Variants in TLN2 observed in about 807,000 individuals in gnomAD.
TLN2 encodes the protein talin 2.
TLN2 carries 118 observed loss-of-function variants against 294.7 expected under a neutral mutation model. That is an observed-to-expected ratio of 0.40 (90% CI 0.34 to 0.47). The LOEUF (loss-of-function observed/expected upper bound fraction) is 0.47. Among genes scored for constraint, TLN2 ranks in the 20% least tolerant of loss-of-function variants. The pLI, the probability that TLN2 is intolerant of heterozygous loss-of-function variation, is 0.84. For missense variants in TLN2, 3,083 were observed against 3,282.2 expected, an observed-to-expected ratio of 0.94 and a Z score of 1.48; for synonymous variants, 1,431 against 1,304.5, an observed-to-expected ratio of 1.10 and a Z score of -2.09.
chr15:62,422,219 C>CAAAAA (rs386383227), intron 1 of TLN2, among the ~76,000 whole-genome samples: 27 of 55,300 alleles, frequency 4.9e-4, no homozygotes, highest in Middle Eastern at 0.016. Context: ...AACTCTGTCT[C>CAAAAA]AAAAAAAAAA....
At chr15:62,566,240 G>A (rs762867670) in intron 1 of TLN2, among the ~76,000 whole-genome samples, 5 of 152,040 alleles carry the variant, frequency 3.3e-5, no homozygotes, top group Non-Finnish European at 7.4e-5. Context: ...AAGTTAGAAG[G>A]CTACAGATGA....
At chr15:62,794,033 C>T (rs2065274124) in intron 46 of TLN2, among the ~76,000 whole-genome samples, 1 of 151,994 alleles carries the variant, frequency 6.6e-6, no homozygotes, top group South Asian at 2.1e-4. Flanking sequence ...GCCTTCCTTT[C>T]AAAGCCCTTT....
chr15:62,399,369 G>A (rs1335570581), intron 1 of TLN2, among the ~76,000 whole-genome samples: 2 of 151,254 alleles, frequency 1.3e-5, no homozygotes, highest in East Asian at 3.9e-4. Context: ...CAGTGCAGAA[G>A]GAAAATGTGG....
intron 45 of TLN2, chr15:62,784,136 T>G (rs2064433016): frequency 1.8e-6 from 1 of 567,406 alleles, no homozygotes; most frequent in Admixed American, 3.2e-5. Flanking sequence ...AGAAGGACTT[T>G]GTATACAGTG....
chr15:62,794,593 T>C (rs1267489925), intron 46 of TLN2, among the ~76,000 whole-genome samples: 1 of 152,240 alleles, frequency 6.6e-6, no homozygotes, highest in Non-Finnish European at 1.5e-5. Flanking sequence ...TTCCAGAACC[T>C]GGATACCTCA....
At chr15:62,564,521 C>T (rs1450786285) in intron 1 of TLN2, among the ~76,000 whole-genome samples, 2 of 152,122 alleles carry the variant, frequency 1.3e-5, no homozygotes, top group Admixed American at 6.6e-5. Context: ...GTTAGCTGCA[C>T]CCCTGGATTG....
chr15:62,690,838 C>G (rs1189717868), intron 12 of TLN2, among the ~76,000 whole-genome samples: 2 of 151,662 alleles, frequency 1.3e-5, no homozygotes, highest in Non-Finnish European at 2.9e-5. Context: ...CAGCGAAACC[C>G]CGTCTCCACC....
At chr15:62,403,580 C>T (rs751351689) in intron 1 of TLN2, among the ~76,000 whole-genome samples, 5 of 152,176 alleles carry the variant, frequency 3.3e-5, no homozygotes, top group Admixed American at 6.5e-5. Context: ...TGGTACAATC[C>T]AGTGGCTAAC....
intron 1 of TLN2, among the ~76,000 whole-genome samples, chr15:62,470,224 G>T (rs2037388458): frequency 1.3e-5 from 2 of 152,146 alleles, no homozygotes; most frequent in Non-Finnish European, 2.9e-5. Context: ...CAACCTATGG[G>T]ACCCATTCGG....
chr15:62,795,188 T>C (rs912209330), intron 46 of TLN2, among the ~76,000 whole-genome samples: 3 of 152,060 alleles, frequency 2.0e-5, no homozygotes, highest in Admixed American at 6.5e-5. Context: ...TCCTTCACTT[T>C]GGCATCTGAC....
At chr15:62,431,810 G>A (rs2035025635) in intron 1 of TLN2, among the ~76,000 whole-genome samples, 1 of 152,236 alleles carries the variant, frequency 6.6e-6, no homozygotes, top group Non-Finnish European at 1.5e-5. Flanking sequence ...AGAAACCCAT[G>A]TATATTTAAT....
rs755720293 is a variant in TLN2 at position 62,763,552 on chromosome 15, A to G, written c.4962-11A>G. On this transcript the variant is annotated splice_polypyrimidine_tract_variant and intron_variant, in intron 39 of 58. Coordinates refer to ENST00000636159, the MANE Select transcript of TLN2 (RefSeq NM_015059.3). Reference sequence around the variant, plus strand: ...ATGGAGCCTGTGTCCAACTTGCACTATTCCTTCCAGGGACAAGGCCCCTGG... The same window carrying G: ...ATGGAGCCTGTGTCCAACTTGCACTGTTCCTTCCAGGGACAAGGCCCCTGG... 1.2e-5 allele frequency: 19 copies of G among 1,601,248 alleles called. No homozygotes were observed. The Admixed American group carries it at 2.9e-4, about 24-fold the overall frequency.
At chr15:62,664,299 G>A (rs1276243137) in intron 9 of TLN2, among the ~76,000 whole-genome samples, 1 of 151,874 alleles carries the variant, frequency 6.6e-6, no homozygotes, top group African/African-American at 2.4e-5. Context: ...AAATGTAGTT[G>A]ACTTATAAAG....
intron 1 of TLN2, among the ~76,000 whole-genome samples, chr15:62,402,218 T>C (rs1249589361): frequency 1.3e-5 from 2 of 152,242 alleles, no homozygotes; most frequent in African/African-American, 4.8e-5. Flanking sequence ...ATGCTGTTTC[T>C]GACCCACTAA....
Position 62,509,077 on chromosome 15 carries a change from G to A in TLN2, c.-237-80610G>A, listed in dbSNP as rs148341223. ...AGAAACTAAACTATAGAAAGCTTAA[G>A]TAAGGTGCTTAGGATCCCATAAGCC... On this transcript the variant is annotated intron_variant, in intron 1 of 58. Coordinates refer to ENST00000636159, the MANE Select transcript of TLN2 (RefSeq NM_015059.3). Among the ~76,000 whole-genome samples, 5 of 152,270 alleles carry A rather than the reference G, an allele frequency of 3.3e-5. No individual in the cohort carries two copies. The East Asian group carries it at 9.7e-4, about 29-fold the overall frequency.
At chr15:62,838,755 C>A in intron 57 of TLN2, 101 bp from the exon 58 acceptor site, 1 of 1,451,100 alleles carries the variant, frequency 6.9e-7, no homozygotes, top group Non-Finnish European at 9.3e-7. Context: ...ATTGGATAAT[C>A]AATTGACTCA....
intron 1 of TLN2, among the ~76,000 whole-genome samples, chr15:62,521,038 T>C (rs1442048403): frequency 6.6e-6 from 1 of 152,176 alleles, no homozygotes; most frequent in Non-Finnish European, 1.5e-5. Flanking sequence ...TTCACTTTCT[T>C]TTTGTCTTCT....
chr15:62,766,233 CTG>C, intron 40 of TLN2, 86 bp from the exon 41 acceptor site: 2 of 1,150,794 alleles, frequency 1.7e-6, no homozygotes, highest in South Asian at 3.0e-5. Flanking sequence ...TGTGTGGCCT[CTG>C]TCATTTTTCA....
intron 1 of TLN2, among the ~76,000 whole-genome samples, chr15:62,443,368 A>G (rs1231419209): frequency 2.6e-5 from 4 of 152,202 alleles, no homozygotes; most frequent in African/African-American, 4.8e-5. Context: ...TTTTATCACC[A>G]TTAACAATTT....
Sources: gnomAD v4.1 joint callset for allele counts (sites outside exome capture counted in the v4.1 genomes callset) on GRCh38, gnomAD v4.1.1 for gene constraint, MANE v1.5 for transcripts, NCBI Gene and HGNC (gene_info 2026-07-23, HGNC 2026-07-21) for gene names.